Variants in USP48 observed in about 807,000 individuals in gnomAD.
USP48 encodes ubiquitin specific peptidase 48.
In USP48, 43 loss-of-function variants were observed where a neutral mutation model predicts 150.7. The observed-to-expected ratio is 0.29, with a 90% confidence interval of 0.22 to 0.37. USP48 has a LOEUF of 0.37. Among genes scored for constraint, USP48 ranks in the 10% least tolerant of loss-of-function variants. The pLI is 1.00. For synonymous variants in USP48, 396 were observed against 425.9 expected (o/e 0.93, Z 0.86); for missense variants, 813 against 1,249.6 (o/e 0.65, Z 5.27).
At chr1:21,765,437 G>A (rs544309711) in intron 1 of USP48, among the ~76,000 whole-genome samples, 21 of 152,078 alleles carry the variant, frequency 1.4e-4, no homozygotes, top group Non-Finnish European at 1.2e-4. Flanking sequence ...CTAATATGGT[G>A]AAACCCCGTT....
intron 1 of USP48, among the ~76,000 whole-genome samples, chr1:21,765,901 C>CAAAAAAAAAAAAAAA (rs199539331): frequency 2.7e-5 from 3 of 112,148 alleles, no homozygotes; most frequent in African/African-American, 1.2e-4. Flanking sequence ...ACTCCATCTC[C>CAAAAAAAAAAAAAAA]AAAAAAAAAA....
At chr1:21,682,108 C>T (rs993470494) in intron 25 of USP48, among the ~76,000 whole-genome samples, 12 of 152,252 alleles carry the variant, frequency 7.9e-5, no homozygotes, top group Non-Finnish European at 1.6e-4. Flanking sequence ...AAGAAGAACA[C>T]ATCCTCACAC....
intron 8 of USP48, among the ~76,000 whole-genome samples, chr1:21,741,428 C>A (rs143367004): frequency 6.6e-6 from 1 of 152,218 alleles, no homozygotes; most frequent in East Asian, 1.9e-4. Flanking sequence ...AAGTAACCAC[C>A]CATGCTTAGA....
chr1:21,719,923 A>C (rs1183730996), intron 14 of USP48, among the ~76,000 whole-genome samples: 1 of 152,188 alleles, frequency 6.6e-6, no homozygotes, highest in Non-Finnish European at 1.5e-5. Flanking sequence ...TAAAAAATAA[A>C]AAATAATGAT....
chr1:21,750,987 T>C (rs2097811132), intron 6 of USP48, among the ~76,000 whole-genome samples: 1 of 152,098 alleles, frequency 6.6e-6, no homozygotes, highest in East Asian at 1.9e-4. Flanking sequence ...TGAAGACAGC[T>C]AGCTAGCTAG....
chr1:21,762,354 C>T (rs1161644561), intron 1 of USP48, among the ~76,000 whole-genome samples: 1 of 152,040 alleles, frequency 6.6e-6, no homozygotes, highest in African/African-American at 2.4e-5. Context: ...CAAGGATATA[C>T]TAGGAAGGTT....
At chr1:21,729,900 T>C (rs901219906) in intron 9 of USP48, 68 bp from the exon 10 acceptor site, 16 of 1,597,590 alleles carry the variant, frequency 1.0e-5, no homozygotes, top group Non-Finnish European at 1.4e-5. Flanking sequence ...TTAGCGGGGC[T>C]ATAGAAAACA....
intron 4 of USP48, 32 bp from the exon 5 acceptor site, chr1:21,752,683 A>AT: frequency 6.4e-7 from 1 of 1,567,092 alleles, no homozygotes; most frequent in Non-Finnish European, 8.6e-7. Flanking sequence ...AAGAAAAATC[A>AT]TATCTTGCTT....
chr1:21,778,601 TAA>T lies in USP48; in HGVS notation c.134+4221_134+4222del, dbSNP rs35911894. 5.9e-3 allele frequency among the ~76,000 whole-genome samples: 529 copies of T among 88,912 alleles called. 4 individuals are homozygous for T. Among genetic ancestry groups the T allele is most frequent in the African/African-American group, 0.02 (423 of 21,318 alleles). 58.3% of individuals were successfully genotyped at this position (88,912 alleles called of 152,430 possible). A position where few individuals can be genotyped will look rare whatever the true frequency, so the allele number is the denominator to read the frequency against. ...ACACAACATAGCAAGACCCTCATCT[TAA>T]AAAAAAAAAAAAAAAAAAAGCCAAA... On this transcript the variant is annotated intron_variant, in intron 1 of 26. Transcript: ENST00000308271.
At chr1:21,721,262 C>A in intron 13 of USP48, 96 bp from the exon 14 acceptor site, 1 of 1,479,458 alleles carries the variant, frequency 6.8e-7, no homozygotes, top group Non-Finnish European at 9.1e-7. Flanking sequence ...GAATTACAAA[C>A]ACTCAACATC....
intron 1 of USP48, among the ~76,000 whole-genome samples, chr1:21,773,345 A>G (rs1337619639): frequency 6.6e-6 from 1 of 151,998 alleles, no homozygotes; most frequent in East Asian, 1.9e-4. Context: ...CACAATTCAC[A>G]GGAGAAATAC....
At chr1:21,714,440 T>C (rs1457524723) in intron 15 of USP48, among the ~76,000 whole-genome samples, 1 of 152,126 alleles carries the variant, frequency 6.6e-6, no homozygotes, top group Non-Finnish European at 1.5e-5. Flanking sequence ...CACTTAATAT[T>C]TTTTTAGAGA....
chr1:21,694,601 A>AC (rs1557429270), intron 23 of USP48, among the ~76,000 whole-genome samples: 1 of 69,970 alleles, frequency 1.4e-5, no homozygotes, highest in African/African-American at 4.6e-5. Context: ...AAAAAAAAAA[A>AC]AAAAAACCCC....
chr1:21,751,262 GAAT>G (rs1387808590), intron 6 of USP48, among the ~76,000 whole-genome samples: 2 of 152,086 alleles, frequency 1.3e-5, no homozygotes, highest in African/African-American at 2.4e-5. Flanking sequence ...CACAATCACA[GAAT>G]AATATCTTCT....
At chr1:21,720,559 G>A (rs576716258) in intron 14 of USP48, among the ~76,000 whole-genome samples, 2 of 149,740 alleles carry the variant, frequency 1.3e-5, no homozygotes, top group Non-Finnish European at 3.0e-5. Flanking sequence ...ACAGAGTCTC[G>A]CTCTGCCGCC....
intron 11 of USP48, among the ~76,000 whole-genome samples, chr1:21,727,284 A>C (rs376084481): frequency 1.3e-5 from 2 of 152,214 alleles, no homozygotes; most frequent in East Asian, 3.8e-4. Context: ...CTACAATATA[A>C]GTTTACTGCA....
intron 22 of USP48, among the ~76,000 whole-genome samples, chr1:21,696,369 C>T (rs567438390): frequency 6.5e-4 from 99 of 152,270 alleles, no homozygotes; most frequent in African/African-American, 2.1e-3. Flanking sequence ...ACCTGGGAGG[C>T]GGAGGCTGCG....
At chr1:21,702,977 A>G (rs1211774216) in intron 21 of USP48, among the ~76,000 whole-genome samples, 1 of 152,220 alleles carries the variant, frequency 6.6e-6, no homozygotes, top group African/African-American at 2.4e-5. Flanking sequence ...GCATAAGCAC[A>G]TTAGGCTTAT....
At chr1:21,710,873 T>A (rs1202189376) in intron 15 of USP48, among the ~76,000 whole-genome samples, 1 of 152,002 alleles carries the variant, frequency 6.6e-6, no homozygotes, top group Admixed American at 6.6e-5. Flanking sequence ...AGTGGCGTGA[T>A]CATAGCTCAC....
Sources: allele counts gnomAD v4.1 joint callset (sites outside exome capture counted in the v4.1 genomes callset), GRCh38; gene constraint gnomAD v4.1.1; transcripts MANE v1.5; gene names NCBI Gene and HGNC (gene_info 2026-07-23, HGNC 2026-07-21).